Variants in CTNND2 observed in about 807,000 individuals in gnomAD.
CTNND2 encodes the protein catenin delta-2.
Under a neutral mutation model 144.4 loss-of-function variants are expected in CTNND2, and 22 were observed. The ratio of observed to expected loss-of-function variants is 0.15; its 90% CI spans 0.11 to 0.22. CTNND2 has a LOEUF of 0.22. Among genes scored for constraint, CTNND2 ranks in the 10% least tolerant of loss-of-function variants. CTNND2 has a pLI of 1.00. For missense variants in CTNND2, 1,353 were observed against 1,618.8 expected (o/e 0.84, Z 2.82); for synonymous variants, 751 against 695.6 (o/e 1.08, Z -1.25).
chr5:11,579,980 A>G (rs998319705), intron 2 of CTNND2, among the ~76,000 whole-genome samples: 1 of 152,210 alleles, frequency 6.6e-6, no homozygotes, highest in African/African-American at 2.4e-5. Context: ...GGGAAAAGCA[A>G]TAGTCTCCTC....
intron 1 of CTNND2, among the ~76,000 whole-genome samples, chr5:11,848,140 T>G (rs1794832900): frequency 6.6e-6 from 1 of 152,144 alleles, no homozygotes; most frequent in Admixed American, 6.6e-5. Flanking sequence ...CACTTTAATT[T>G]CTTTTATTCA....
chr5:11,573,479 G>A (rs1338217957), intron 2 of CTNND2, among the ~76,000 whole-genome samples: 1 of 152,160 alleles, frequency 6.6e-6, no homozygotes, highest in Non-Finnish European at 1.5e-5. Flanking sequence ...CAAGTTTGAA[G>A]GGGAAGTGGC....
In CTNND2 at chr5:11,384,858, C is replaced by G; in HGVS notation, c.984G>C (p.Pro328=). 8 of 1,612,574 alleles carry G rather than the reference C, an allele frequency of 5.0e-6. No individual in the cohort carries two copies. Among genetic ancestry groups the G allele is most frequent in the Non-Finnish European group, 6.8e-6 (8 of 1,179,570 alleles). The change falls in exon 7 of 22, where the codon CCG becomes CCC. Residue 328 remains proline, a synonymous_variant. Transcript: ENST00000304623. The surrounding 1 kb of genome is among the most constrained non-coding windows in gnomAD (Gnocchi z 5.2). Reference sequence around the variant, plus strand: ...CGGTGGGGGGCGAGGTCACGCGGATCGGGGACAGGCCGGCCGAGGACACGA... The same window carrying G: ...CGGTGGGGGGCGAGGTCACGCGGATGGGGGACAGGCCGGCCGAGGACACGA... ...NIVVSSAGLS[P]IRVTSPPTVQ... is the part of the protein sequence containing the mutation.
chr5:11,804,209 G>T (rs936775070), intron 1 of CTNND2, among the ~76,000 whole-genome samples: 3 of 152,138 alleles, frequency 2.0e-5, no homozygotes, highest in Non-Finnish European at 4.4e-5. Context: ...AACAGTTACT[G>T]TCGAGGATAC....
chr5:11,220,375 T>C (rs1383756232), intron 10 of CTNND2, among the ~76,000 whole-genome samples: 1 of 152,140 alleles, frequency 6.6e-6, no homozygotes, highest in Non-Finnish European at 1.5e-5. Flanking sequence ...AGGCAGTCGG[T>C]GAAGTCTGAG....
At chr5:11,233,707 T>C (rs954432620) in intron 10 of CTNND2, among the ~76,000 whole-genome samples, 14 of 137,808 alleles carry the variant, frequency 1.0e-4, no homozygotes, top group African/African-American at 3.9e-4. Flanking sequence ...CTTATTAGAG[T>C]TTACGTGTCT....
intron 14 of CTNND2, among the ~76,000 whole-genome samples, chr5:11,102,244 A>G (rs1751975117): frequency 6.6e-6 from 1 of 152,168 alleles, no homozygotes; most frequent in East Asian, 1.9e-4. Flanking sequence ...TTCAAATTAC[A>G]CTTTGTGCAA....
At chr5:11,745,574 A>T (rs1411723429) in intron 1 of CTNND2, among the ~76,000 whole-genome samples, 2 of 152,168 alleles carry the variant, frequency 1.3e-5, no homozygotes, top group Admixed American at 1.3e-4. Context: ...TGTCCATACT[A>T]TACATTTGTA....
intron 10 of CTNND2, among the ~76,000 whole-genome samples, chr5:11,229,479 C>T (rs2642712): frequency 0.31 from 46,472 of 152,004 alleles, 8,144 homozygotes; most frequent in East Asian, 0.47. Flanking sequence ...TATGATTGCA[C>T]ACCACTGCAC....
intron 1 of CTNND2, among the ~76,000 whole-genome samples, chr5:11,895,199 A>G (rs1052159659): frequency 9.2e-5 from 14 of 152,124 alleles, no homozygotes; most frequent in African/African-American, 3.4e-4. Context: ...TGCCACAAAC[A>G]CCTTGCCTTT....
chr5:11,295,972 A>C (rs949346229), intron 9 of CTNND2, among the ~76,000 whole-genome samples: 3 of 152,062 alleles, frequency 2.0e-5, no homozygotes, highest in African/African-American at 7.2e-5. Flanking sequence ...CAAAAGCCAA[A>C]ATTGACAAAT....
At chr5:11,483,320 G>A (rs80055899) in intron 3 of CTNND2, among the ~76,000 whole-genome samples, 8,122 of 152,260 alleles carry the variant, frequency 0.053, 246 homozygotes, top group Non-Finnish European at 0.067. Flanking sequence ...GTGGATTGGC[G>A]GTGGGTGAGG....
At chr5:11,531,334 A>T (rs1471802919) in intron 3 of CTNND2, among the ~76,000 whole-genome samples, 1 of 152,196 alleles carries the variant, frequency 6.6e-6, no homozygotes, top group East Asian at 1.9e-4. Flanking sequence ...GAGCTAAAAA[A>T]GACAGGGAGG....
intron 11 of CTNND2, among the ~76,000 whole-genome samples, chr5:11,178,472 T>C (rs572868373): frequency 3.3e-5 from 5 of 152,328 alleles, no homozygotes; most frequent in South Asian, 2.1e-4. Flanking sequence ...TCCCCTACTC[T>C]TAAGGAGCTT....
At chr5:11,762,348 T>A (rs952735609) in intron 1 of CTNND2, among the ~76,000 whole-genome samples, 1 of 152,088 alleles carries the variant, frequency 6.6e-6, no homozygotes, top group Non-Finnish European at 1.5e-5. Context: ...GAGCAGAGAA[T>A]AGAAACGTAA....
intron 1 of CTNND2, among the ~76,000 whole-genome samples, chr5:11,891,632 T>C (rs1350019047): frequency 6.6e-6 from 1 of 152,170 alleles, no homozygotes; most frequent in East Asian, 1.9e-4. Context: ...CAAAAGGCCA[T>C]GTGAGGAAAG....
chr5:11,374,940 T>TAAGGGGTA (rs1757795007), intron 7 of CTNND2, among the ~76,000 whole-genome samples: 1 of 152,076 alleles, frequency 6.6e-6, no homozygotes, highest in Non-Finnish European at 1.5e-5. Flanking sequence ...CTTCTGCCCA[T>TAAGGGGTA]CAAAGGGGTA....
Position 11,625,389 on chromosome 5 carries a change from A to ATCTCTCTCTCTCTCTC in CTNND2, c.175-60349_175-60334dup, listed in dbSNP as rs57148533. Among the ~76,000 whole-genome samples the ATCTCTCTCTCTCTCTC allele has an allele frequency of 1.6e-3, 230 of 140,464 alleles. 2 individuals are homozygous for ATCTCTCTCTCTCTCTC. Among genetic ancestry groups the ATCTCTCTCTCTCTCTC allele is most frequent in the African/African-American group, 5.6e-3 (213 of 37,958 alleles). 92.1% of individuals were successfully genotyped at this position (140,464 alleles called of 152,430 possible). A position where few individuals can be genotyped will look rare whatever the true frequency, so the allele number is the denominator to read the frequency against. ...ACAACTGGGTAATGCAAACAGAAAA[A>ATCTCTCTCTCTCTCTC]TCTCTCTCTCTCTCTCTCTCTCTCT... On this transcript the variant is annotated intron_variant, in intron 2 of 21. Coordinates refer to ENST00000304623, the MANE Select transcript of CTNND2 (RefSeq NM_001332.4).
At chr5:11,228,353 CAAAAAAAAAAA>C (rs564048343) in intron 10 of CTNND2, among the ~76,000 whole-genome samples, 2 of 26,732 alleles carry the variant, frequency 7.5e-5, no homozygotes, top group African/African-American at 2.2e-4. Flanking sequence ...CTCTCTCTCT[CAAAAAAAAAAA>C]AAAAAAAAAA....
Sources: gnomAD v4.1 joint callset for allele counts (sites outside exome capture counted in the v4.1 genomes callset) on GRCh38, gnomAD v4.1.1 for gene constraint, Gnocchi (gnomAD v3.1) non-coding constraint, MANE v1.5 for transcripts, NCBI Gene and HGNC (gene_info 2026-07-23, HGNC 2026-07-21) for gene names.